The following LRRTM3 variants were observed in gnomAD, a reference collection of about 807,000 sequenced individuals.
LRRTM3 encodes the protein leucine-rich repeat transmembrane neuronal protein 3.
A neutral mutation model predicts 44.7 loss-of-function variants in LRRTM3; 24 were observed. The ratio of observed to expected loss-of-function variants is 0.54; its 90% confidence interval spans 0.39 to 0.76. The LOEUF (loss-of-function observed/expected upper bound fraction) is 0.76. LRRTM3 is among the 30% of genes least tolerant of loss of function. The pLI, the probability that LRRTM3 is intolerant of heterozygous loss-of-function variation, is 0.00. For synonymous variants in LRRTM3, 277 were observed against 278.7 expected, an observed-to-expected ratio of 0.99 and a Z score of 0.06; for missense variants, 587 against 702.2, an observed-to-expected ratio of 0.84 and a Z score of 1.85.
intron 2 of LRRTM3, among the ~76,000 whole-genome samples, chr10:67,026,967 C>T (rs1853429626): frequency 1.3e-5 from 2 of 152,180 alleles, no homozygotes. Context: ...GTATAAGACA[C>T]AGTTAATTCT....
chr10:67,048,309 A>G (rs546533312), intron 2 of LRRTM3, among the ~76,000 whole-genome samples: 317 of 152,202 alleles, frequency 2.1e-3, no homozygotes, highest in African/African-American at 7.0e-3. Flanking sequence ...TTTAAAAGCC[A>G]GTCTGTGATT....
intron 2 of LRRTM3, among the ~76,000 whole-genome samples, chr10:66,991,089 T>C (rs1289349999): frequency 2.0e-5 from 3 of 152,186 alleles, no homozygotes; most frequent in Non-Finnish European, 4.4e-5. Context: ...GAAAATAACC[T>C]CTGACCTTGA....
intron 2 of LRRTM3, among the ~76,000 whole-genome samples, chr10:66,973,548 T>C (rs747466001): frequency 6.6e-6 from 1 of 152,230 alleles, no homozygotes; most frequent in Non-Finnish European, 1.5e-5. Flanking sequence ...AACATTCTCA[T>C]TTATAATTAG....
chr10:66,972,613 T>A (rs1444498909), intron 2 of LRRTM3, among the ~76,000 whole-genome samples: 1 of 152,014 alleles, frequency 6.6e-6, no homozygotes, highest in African/African-American at 2.4e-5. Flanking sequence ...TTTCATAAAG[T>A]GCTTTTTCTA....
At chr10:67,054,579 G>C (rs1333804288) in intron 2 of LRRTM3, 3 of 152,166 alleles carry the variant, frequency 2.0e-5, no homozygotes, top group Non-Finnish European at 4.4e-5. Flanking sequence ...AAAGGGCAAT[G>C]CTCATATGAT....
Position 67,092,977 on chromosome 10 carries a change from T to TA in LRRTM3, c.1537-4609dup, listed in dbSNP as rs11372625. Among the ~76,000 whole-genome samples the TA allele has an allele frequency of 7.6e-3, 1,150 of 152,158 alleles. 7 individuals are homozygous for TA. The highest frequency in any genetic ancestry group is 0.026 in the African/African-American group (1,078 of 41,540). On this transcript the variant is annotated intron_variant, in intron 2 of 2. Coordinates refer to ENST00000361320, the MANE Select transcript of LRRTM3 (RefSeq NM_178011.5). Reference sequence around the variant, plus strand: ...TAAGAGTATACATGATAATGCTTTCTAGAGAGTAAGTTTTTATACCCCTGA... The same window carrying TA: ...TAAGAGTATACATGATAATGCTTTCTAAGAGAGTAAGTTTTTATACCCCTGA...
intron 2 of LRRTM3, among the ~76,000 whole-genome samples, chr10:67,086,851 T>C (rs1857340374): frequency 6.6e-6 from 1 of 152,038 alleles, no homozygotes; most frequent in Non-Finnish European, 1.5e-5. Flanking sequence ...GTAATTTTCA[T>C]TCTGCCATAC....
chr10:67,053,998 C>A (rs748264253), intron 2 of LRRTM3, among the ~76,000 whole-genome samples: 4 of 152,254 alleles, frequency 2.6e-5, no homozygotes, highest in Non-Finnish European at 5.9e-5. Context: ...CCCTCCCCTA[C>A]ACGATATCTC....
chr10:66,977,332 A>G (rs1850103606), intron 2 of LRRTM3, among the ~76,000 whole-genome samples: 1 of 151,954 alleles, frequency 6.6e-6, no homozygotes, highest in Admixed American at 6.6e-5. Context: ...GCTACTCAGG[A>G]GGCTGAGGCA....
intron 2 of LRRTM3, among the ~76,000 whole-genome samples, chr10:66,979,714 T>C (rs931813615): frequency 6.6e-6 from 1 of 152,278 alleles, no homozygotes; most frequent in African/African-American, 2.4e-5. Context: ...TGTGCACACA[T>C]TGAGTGCCCA....
chr10:67,091,324 A>G (rs1350811226), intron 2 of LRRTM3, among the ~76,000 whole-genome samples: 1 of 151,994 alleles, frequency 6.6e-6, no homozygotes, highest in Non-Finnish European at 1.5e-5. Flanking sequence ...GAATTTAAAG[A>G]CAGTGTGATA....
intron 2 of LRRTM3, among the ~76,000 whole-genome samples, chr10:66,937,727 A>G (rs1277236432): frequency 6.6e-6 from 1 of 152,152 alleles, no homozygotes; most frequent in Non-Finnish European, 1.5e-5. Context: ...TTCTCAAAGT[A>G]GCCCATGCTT....
intron 2 of LRRTM3, among the ~76,000 whole-genome samples, chr10:66,945,938 C>A (rs1848248787): frequency 6.6e-6 from 1 of 151,916 alleles, no homozygotes; most frequent in Non-Finnish European, 1.5e-5. Flanking sequence ...TTGAAGGACC[C>A]CAAAACAATT....
At chr10:66,960,532 G>T (rs923989591) in intron 2 of LRRTM3, among the ~76,000 whole-genome samples, 3 of 152,244 alleles carry the variant, frequency 2.0e-5, no homozygotes, top group Admixed American at 2.0e-4. Context: ...CAGATAATAT[G>T]TAGCATGAAA....
intron 2 of LRRTM3, among the ~76,000 whole-genome samples, chr10:66,962,021 C>T (rs1025423147): frequency 1.3e-5 from 2 of 152,140 alleles, no homozygotes; most frequent in African/African-American, 2.4e-5. Context: ...AACCATATTG[C>T]CACTACTCTG....
intron 2 of LRRTM3, among the ~76,000 whole-genome samples, chr10:66,995,530 G>A (rs1386283984): frequency 6.6e-6 from 1 of 152,142 alleles, no homozygotes; most frequent in Non-Finnish European, 1.5e-5. Flanking sequence ...ATACCTACCT[G>A]TTTAATACCT....
intron 2 of LRRTM3, among the ~76,000 whole-genome samples, chr10:67,012,698 G>A (rs1170024837): frequency 6.6e-6 from 1 of 152,056 alleles, no homozygotes; most frequent in African/African-American, 2.4e-5. Context: ...TTGGACAAAT[G>A]TAATCACGTC....
In LRRTM3 at chr10:67,099,432, C is replaced by A. The variant is rs971260789; in HGVS notation, c.*1636C>A. 1.5e-4 allele frequency: 22 copies of A among 151,348 alleles called. No individual in the cohort carries two copies. Among genetic ancestry groups the A allele is most frequent in the African/African-American group, 4.6e-4 (19 of 41,240 alleles). 9.4% of individuals were successfully genotyped at this position (151,348 alleles called of 1,614,324 possible). A position where few individuals can be genotyped will look rare whatever the true frequency, so the allele number is the denominator to read the frequency against. ...CATCAAAAGTAGATTGACAATACAT[C>A]AATCTAACAGGGGCCAATCAAAACA... On this transcript the variant is annotated 3_prime_UTR_variant, in exon 3 of 3. Transcript: ENST00000361320.
intron 2 of LRRTM3, among the ~76,000 whole-genome samples, chr10:66,933,781 T>C (rs940640023): frequency 2.0e-5 from 3 of 152,180 alleles, no homozygotes; most frequent in South Asian, 2.1e-4. Flanking sequence ...CAAAATTACA[T>C]CATTAATTCA....
Sources: gnomAD v4.1 joint callset for allele counts (sites outside exome capture counted in the v4.1 genomes callset) on GRCh38, gnomAD v4.1.1 for gene constraint, MANE v1.5 for transcripts, NCBI Gene and HGNC (gene_info 2026-07-23, HGNC 2026-07-21) for gene names.